The following ADAMTS2 variants were observed in gnomAD, a reference collection of about 807,000 sequenced individuals.
ADAMTS2 encodes the protein ADAM metallopeptidase with thrombospondin type 1 motif 2.
In ADAMTS2, 50 loss-of-function variants were observed where a neutral mutation model predicts 123.0. The observed-to-expected ratio is 0.41, with a 90% CI of 0.32 to 0.51. The LOEUF (loss-of-function observed/expected upper bound fraction) is 0.51, where lower values mean the gene tolerates loss of function less well. Ranked by LOEUF, ADAMTS2 falls within the 20% of genes least tolerant of loss-of-function variation. ADAMTS2 has a pLI of 0.35. For missense variants in ADAMTS2, 1,494 were observed against 1,705.2 expected (o/e 0.88, Z 2.18); for synonymous variants, 678 against 695.4 (o/e 0.98, Z 0.39).
Position 179,227,838 on chromosome 5 carries a change from G to C in ADAMTS2, c.689-20123C>G, listed in dbSNP as rs116668730. On this transcript the variant is annotated intron_variant, in intron 3 of 21. Coordinates refer to ENST00000251582, the MANE Select transcript of ADAMTS2 (RefSeq NM_014244.5). ...AGGGCAGAAGTGCAGAGAGACTAGA[G>C]GGGGCAGGGCAGCCCTGGCTTGGGG... is the stretch of plus-strand genomic sequence containing the variant. Among the ~76,000 whole-genome samples the C allele has an allele frequency of 2.3e-3, 353 of 152,250 alleles. 3 individuals are homozygous for C. Among genetic ancestry groups the C allele is most frequent in the African/African-American group, 8.1e-3 (338 of 41,552 alleles).
At chr5:179,224,019 T>C (rs1186257625) in intron 3 of ADAMTS2, among the ~76,000 whole-genome samples, 1 of 152,242 alleles carries the variant, frequency 6.6e-6, no homozygotes, top group African/African-American at 2.4e-5. Context: ...CTTATGCTAC[T>C]TCTGAGCAGG....
At chr5:179,159,501 T>C (rs1763555384) in intron 5 of ADAMTS2, among the ~76,000 whole-genome samples, 1 of 152,180 alleles carries the variant, frequency 6.6e-6, no homozygotes, top group Non-Finnish European at 1.5e-5. Flanking sequence ...ATCAACCTAA[T>C]AGAAAAACAG....
chr5:179,250,141 C>T (rs1306239887), intron 3 of ADAMTS2, among the ~76,000 whole-genome samples: 4 of 152,142 alleles, frequency 2.6e-5, no homozygotes, highest in South Asian at 2.1e-4. Flanking sequence ...GAACCCAACA[C>T]CCTTTGTGAT....
intron 3 of ADAMTS2, among the ~76,000 whole-genome samples, chr5:179,251,185 A>AG: frequency 6.6e-6 from 1 of 152,304 alleles, no homozygotes; most frequent in African/African-American, 2.4e-5. Context: ...ACCTAGAAAC[A>AG]GAGTTCTTTC....
intron 5 of ADAMTS2, among the ~76,000 whole-genome samples, chr5:179,169,064 C>A (rs1470214109): frequency 6.6e-6 from 1 of 152,340 alleles, no homozygotes; most frequent in East Asian, 1.9e-4. Context: ...AGAAGAGGGG[C>A]CTCCTGCTAG....
intron 2 of ADAMTS2, among the ~76,000 whole-genome samples, chr5:179,304,071 G>A (rs776333920): frequency 5.9e-5 from 9 of 152,152 alleles, no homozygotes; most frequent in African/African-American, 1.4e-4. Flanking sequence ...GGTCCCAGAC[G>A]TGCCACTGGG....
chr5:179,262,208 C>T lies in ADAMTS2; in HGVS notation c.688+10703G>A, dbSNP rs116666021. ...TGCCACCCCCACCAGCACACCTGCC[C>T]GGCCACCCCCACCAGCACACCTGCC... On this transcript the variant is annotated intron_variant, in intron 3 of 21. Coordinates refer to ENST00000251582, the MANE Select transcript of ADAMTS2 (RefSeq NM_014244.5). This position sits in a 1 kb window ranked among gnomAD's most constrained non-coding sequence, Gnocchi z 5.9. Among the ~76,000 whole-genome samples, 4,321 of 150,404 alleles carry T rather than the reference C, an allele frequency of 0.029. 90 individuals are homozygous for T. The highest frequency in any genetic ancestry group is 0.082 in the Middle Eastern group (24 of 294).
chr5:179,260,179 C>T lies in ADAMTS2; in HGVS notation c.688+12732G>A, dbSNP rs1342632696. On this transcript the variant is annotated intron_variant, in intron 3 of 21. Coordinates refer to ENST00000251582, the MANE Select transcript of ADAMTS2 (RefSeq NM_014244.5). This position sits in a 1 kb window ranked among gnomAD's most constrained non-coding sequence, Gnocchi z 4.2. ...ACAGCTGCCAACCTGAGTCTGCAGC[C>T]CTGACACTGTGGCAACAACAGGAGG... Among the ~76,000 whole-genome samples the T allele has an allele frequency of 3.3e-5, 5 of 152,256 alleles. No homozygotes were observed. Among genetic ancestry groups the T allele is most frequent in the African/African-American group, 9.6e-5 (4 of 41,550 alleles).
At position 179,260,931 on chromosome 5, in the gene ADAMTS2, T is replaced by C. The variant is rs1166364642; in HGVS notation, c.688+11980A>G. 6.6e-6 allele frequency among the ~76,000 whole-genome samples: 1 copy of C among 152,110 alleles called. No homozygotes were observed. Among genetic ancestry groups the C allele is most frequent in the African/African-American group, 2.4e-5 (1 of 41,416 alleles). ...CTACCGTGCCTATTAAATGACACCA[T>C]GAAGAGTGCCCACCTTCGCGCAGGC... On this transcript the variant is annotated intron_variant, in intron 3 of 21. Coordinates refer to ENST00000251582, the MANE Select transcript of ADAMTS2 (RefSeq NM_014244.5). This position sits in a 1 kb window ranked among gnomAD's most constrained non-coding sequence, Gnocchi z 4.2.
chr5:179,134,198 G>A (rs566172446), intron 13 of ADAMTS2, among the ~76,000 whole-genome samples: 9 of 152,220 alleles, frequency 5.9e-5, no homozygotes, highest in East Asian at 1.9e-4. Context: ...TTTTCAAAAC[G>A]TCCTATGTCT....
At chr5:179,153,987 C>G in intron 8 of ADAMTS2, 62 bp downstream of exon 8, 1 of 1,555,554 alleles carries the variant, frequency 6.4e-7, no homozygotes, top group Non-Finnish European at 8.7e-7. Context: ...GGGACTTGCA[C>G]CCTCCCAGAG....
chr5:179,125,597 C>T (rs1762839969), intron 18 of ADAMTS2, among the ~76,000 whole-genome samples: 1 of 152,186 alleles, frequency 6.6e-6, no homozygotes, highest in African/African-American at 2.4e-5. Context: ...CCTATGTGGC[C>T]CCCACCTGCC....
Position 179,132,996 on chromosome 5 carries a change from C to T in ADAMTS2, c.2086-96G>A, listed in dbSNP as rs530269956. 8.6e-6 allele frequency: 13 copies of T among 1,508,440 alleles called. No homozygotes were observed. Among genetic ancestry groups the T allele is most frequent in the African/African-American group, 4.1e-5 (3 of 72,520 alleles). The allele number at this position is 1,508,440 out of a possible 1,614,324, so 93.4% of individuals were successfully genotyped here. ...CCAGTCTCGAACACCTGGCCTCAAG[C>T]GATCCTCCTGCCTTGGCCTCCCAAA... On this transcript the variant is annotated intron_variant, in intron 13 of 21. Transcript: ENST00000251582. The surrounding 1 kb of genome is among the most constrained non-coding windows in gnomAD (Gnocchi z 6.1).
At chr5:179,265,790 C>A (rs936332821) in intron 3 of ADAMTS2, among the ~76,000 whole-genome samples, 1 of 152,242 alleles carries the variant, frequency 6.6e-6, no homozygotes, top group Non-Finnish European at 1.5e-5. Context: ...AGCGCCGCGG[C>A]GTCTGCCAAG....
At chr5:179,124,834 G>A (rs1762823061) in intron 19 of ADAMTS2, 139 bp downstream of exon 19, 22 of 1,600,266 alleles carry the variant, frequency 1.4e-5, no homozygotes, top group African/African-American at 4.0e-5. Context: ...CTCTCAGGCC[G>A]GGCGTCATTG....
rs1310519350 is a variant in ADAMTS2 at position 179,121,734 on chromosome 5, G to C, written c.3105C>G (p.Pro1035=). The C allele has an allele frequency of 1.1e-5, 18 of 1,585,452 alleles. No individual in the cohort carries two copies. The highest frequency in any genetic ancestry group is 1.5e-5 in the Non-Finnish European group (18 of 1,164,736). The stretch of plus-strand genomic sequence containing the variant: ...ACTGAACTACGTAGCTCTTCTTGGA[G>C]GGATCTGAGATGTTTCCTAGAGGGA... ...LGPCPRNISD[P]SKKSYVVQWL... is the part of the protein sequence containing the mutation. The change falls in exon 21 of 22, where the codon CCC becomes CCG. Residue 1035 remains proline (P), a synonymous_variant. Transcript: ENST00000251582.
chr5:179,337,159 C>T (rs527711445), intron 2 of ADAMTS2, among the ~76,000 whole-genome samples: 103 of 152,262 alleles, frequency 6.8e-4, no homozygotes, highest in Non-Finnish European at 1.3e-3. Context: ...CAGCTCCTAC[C>T]TGGATCCTCC....
chr5:179,162,513 G>A lies in ADAMTS2; in HGVS notation c.976-3634C>T, dbSNP rs553322434. Among the ~76,000 whole-genome samples, 6 of 152,318 alleles carry A rather than the reference G, an allele frequency of 3.9e-5. No individual in the cohort carries two copies. In the East Asian group the frequency reaches 9.7e-4, roughly 25 times the overall value. Reference sequence around the variant, plus strand: ...CGGGTCAGCTCCCAGGCTCATTCAGGTGGTCACGGCGGGCCCCAGCTGAGC... The same window carrying A: ...CGGGTCAGCTCCCAGGCTCATTCAGATGGTCACGGCGGGCCCCAGCTGAGC... On this transcript the variant is annotated intron_variant, in intron 5 of 21. Coordinates refer to ENST00000251582, the MANE Select transcript of ADAMTS2 (RefSeq NM_014244.5). The surrounding 1 kb of genome is among the most constrained non-coding windows in gnomAD (Gnocchi z 5.1).
chr5:179,168,177 C>A (rs1195769733), intron 5 of ADAMTS2, among the ~76,000 whole-genome samples: 1 of 152,196 alleles, frequency 6.6e-6, no homozygotes, highest in South Asian at 2.1e-4. Context: ...GTTGAGCACA[C>A]CCCTGGGCAC....
Sources: gnomAD v4.1 joint callset for allele counts (sites outside exome capture counted in the v4.1 genomes callset) on GRCh38, gnomAD v4.1.1 for gene constraint, Gnocchi (gnomAD v3.1) non-coding constraint, MANE v1.5 for transcripts, NCBI Gene and HGNC (gene_info 2026-07-23, HGNC 2026-07-21) for gene names.